OVOL2: variants seen among roughly 807,000 people sequenced by gnomAD.
OVOL2 encodes the protein transcription factor Ovo-like 2.
A neutral mutation model predicts 18.1 loss-of-function variants in OVOL2; 13 were observed. The ratio of observed to expected loss-of-function variants is 0.72; its 90% CI spans 0.47 to 1.14. OVOL2 has a LOEUF of 1.14. OVOL2 is among the 50% of genes most tolerant of loss of function. The probability of loss-of-function intolerance (pLI) is 0.00; values close to 1 mark genes in which losing one functional copy is unlikely to be tolerated. For synonymous variants in OVOL2, 166 were observed against 162.7 expected (o/e 1.02, Z -0.16); for missense variants, 335 against 383.0 (o/e 0.87, Z 1.05).
intron 3 of OVOL2, among the ~76,000 whole-genome samples, chr20:18,034,079 G>C (rs181686319): frequency 1.3e-5 from 2 of 152,266 alleles, no homozygotes; most frequent in Admixed American, 1.3e-4. Context: ...CAACTTCACT[G>C]AAGTACAGCA....
rs1274630717 is a variant in OVOL2 at position 18,056,579 on chromosome 20, C to G, written c.321+78G>C. 7.8e-7 allele frequency: 1 copy of G among 1,274,402 alleles called. No individual in the cohort carries two copies. Among genetic ancestry groups the G allele is most frequent in the African/African-American group, 1.6e-5 (1 of 63,680 alleles). 78.9% of individuals were successfully genotyped at this position (1,274,402 alleles called of 1,614,324 possible). A position where few individuals can be genotyped will look rare whatever the true frequency, so the allele number is the denominator to read the frequency against. ...TGCCGGGTTGCGCAGGCGGGCGCGG[C>G]AGGGAGGGGCGCCGGCCTCGGGAGC... On this transcript the variant is annotated intron_variant, in intron 2 of 3. Transcript: ENST00000278780. The surrounding 1 kb of genome is among the most constrained non-coding windows in gnomAD (Gnocchi z 4.2).
chr20:18,038,240 T>C (rs1268638689), intron 3 of OVOL2, among the ~76,000 whole-genome samples: 2 of 152,172 alleles, frequency 1.3e-5, no homozygotes, highest in South Asian at 2.1e-4. Flanking sequence ...CATCAGGTCC[T>C]CAGGAAGCCT....
intron 3 of OVOL2, among the ~76,000 whole-genome samples, chr20:18,041,142 G>A (rs555196355): frequency 6.6e-6 from 1 of 151,954 alleles, no homozygotes; most frequent in Non-Finnish European, 1.5e-5. Flanking sequence ...TGGCCCTAAC[G>A]CCCCATCATC....
At chr20:18,050,660 C>G (rs1487559438) in intron 2 of OVOL2, 1 of 150,972 alleles carries the variant, frequency 6.6e-6, no homozygotes, top group South Asian at 2.1e-4. Flanking sequence ...GAATCCATTC[C>G]AAGCATTTTT....
At chr20:18,039,615 AAAAAAAAG>A (rs1203002901) in intron 3 of OVOL2, among the ~76,000 whole-genome samples, 25 of 149,902 alleles carry the variant, frequency 1.7e-4, no homozygotes, top group Admixed American at 1.7e-3. Flanking sequence ...CTCAAAAAAA[AAAAAAAAG>A]AAAGAAAGAA....
intron 3 of OVOL2, among the ~76,000 whole-genome samples, chr20:18,039,607 C>CAAAAAAAAAAAAAAAAAAAAAAAAAAA (rs111619803): frequency 1.1e-5 from 1 of 87,056 alleles, no homozygotes; most frequent in African/African-American, 4.0e-5. Flanking sequence ...GACGCTGTCT[C>CAAAAAAAAAAAAAAAAAAAAAAAAAAA]AAAAAAAAAA....
At chr20:18,025,219 C>T (rs1200023634) in intron 3 of OVOL2, among the ~76,000 whole-genome samples, 1 of 152,134 alleles carries the variant, frequency 6.6e-6, no homozygotes, top group Non-Finnish European at 1.5e-5. Flanking sequence ...TTTATTCTTC[C>T]AACTCACATA....
intron 2 of OVOL2, among the ~76,000 whole-genome samples, chr20:18,042,775 C>CACAA (rs2036685353): frequency 1.1e-5 from 1 of 93,576 alleles, no homozygotes; most frequent in Non-Finnish European, 2.0e-5. Context: ...AACTCCGTCT[C>CACAA]AAAAAAAAAA....
At chr20:18,042,505 G>A (rs969802659) in intron 2 of OVOL2, among the ~76,000 whole-genome samples, 7 of 151,952 alleles carry the variant, frequency 4.6e-5, no homozygotes, top group Non-Finnish European at 2.9e-5. Context: ...GGCCAGGCGC[G>A]GCGTCTCATG....
At chr20:18,043,233 A>G (rs1343923003) in intron 2 of OVOL2, among the ~76,000 whole-genome samples, 2 of 152,208 alleles carry the variant, frequency 1.3e-5, no homozygotes, top group African/African-American at 4.8e-5. Flanking sequence ...GCCACACTCA[A>G]TTCTGTCCTC....
intron 3 of OVOL2, among the ~76,000 whole-genome samples, chr20:18,033,680 G>A (rs1245277483): frequency 1.4e-4 from 22 of 152,170 alleles, no homozygotes; most frequent in Non-Finnish European, 2.9e-5. Flanking sequence ...CTGCATGCTC[G>A]CTCCTGGGGA....
intron 2 of OVOL2, among the ~76,000 whole-genome samples, chr20:18,047,238 C>T (rs1309977482): frequency 2.6e-5 from 4 of 152,172 alleles, no homozygotes; most frequent in East Asian, 1.9e-4. Flanking sequence ...CATTGGCAGG[C>T]GTGGTGGCTC....
At chr20:18,054,778 A>AG (rs2036802668) in intron 2 of OVOL2, among the ~76,000 whole-genome samples, 1 of 140,306 alleles carries the variant, frequency 7.1e-6, no homozygotes, top group Non-Finnish European at 1.5e-5. Context: ...AAAAAAAAAA[A>AG]AAAAGAAAGA....
At chr20:18,055,912 AGACCATCATG>A (rs991733217) in intron 2 of OVOL2, among the ~76,000 whole-genome samples, 1 of 152,232 alleles carries the variant, frequency 6.6e-6, no homozygotes, top group African/African-American at 2.4e-5. Flanking sequence ...ACCTTTGAGC[AGACCATCATG>A]GAAGTTCTGC....
intron 3 of OVOL2, among the ~76,000 whole-genome samples, chr20:18,031,578 G>GA (rs940653375): frequency 4.0e-5 from 6 of 151,770 alleles, no homozygotes; most frequent in Admixed American, 2.0e-4. Flanking sequence ...CTCTATCTCA[G>GA]AAAAAAAACA....
rs561784331 is a variant in OVOL2, at chr20:18,052,341, TATTA to T, written c.321+4312_321+4315del. ...GATTAAGCAAACTGGAGGGGAAAAG[TATTA>T]ATTTATGAGACAATTAGTAATGTGA... is the stretch of plus-strand genomic sequence containing the variant. On this transcript the variant is annotated intron_variant, in intron 2 of 3. Coordinates refer to ENST00000278780, the MANE Select transcript of OVOL2 (RefSeq NM_021220.4). 3.1e-3 allele frequency among the ~76,000 whole-genome samples: 477 copies of T among 152,350 alleles called. 3 individuals are homozygous for T. Among genetic ancestry groups the T allele is most frequent in the African/African-American group, 1.0e-2 (415 of 41,582 alleles).
chr20:18,049,203 C>T (rs1191458129), intron 2 of OVOL2, among the ~76,000 whole-genome samples: 1 of 152,208 alleles, frequency 6.6e-6, no homozygotes, highest in African/African-American at 2.4e-5. Context: ...GAAAACAGGA[C>T]TCAGCGGCAG....
chr20:18,025,467 G>A (rs1430300607), intron 3 of OVOL2, among the ~76,000 whole-genome samples: 1 of 152,126 alleles, frequency 6.6e-6, no homozygotes, highest in Non-Finnish European at 1.5e-5. Flanking sequence ...AACTCGGGAG[G>A]CTGAGGAAGG....
At position 18,056,615 on chromosome 20, in the gene OVOL2, G is replaced by T; in HGVS notation, c.321+42C>A. On this transcript the variant is annotated intron_variant, in intron 2 of 3. Transcript: ENST00000278780. The surrounding 1 kb of genome is among the most constrained non-coding windows in gnomAD (Gnocchi z 4.2). ...GCCGGCCTCGGGAGCCCGACGCCAG[G>T]GCGTGGTGCAGGTGGCGGCGGGGGC... 7.5e-7 allele frequency: 1 copy of T among 1,340,818 alleles called. No individual in the cohort carries two copies. The highest frequency in any genetic ancestry group is 9.6e-7 in the Non-Finnish European group (1 of 1,043,038). The allele number at this position is 1,340,818 out of a possible 1,614,324, so 83.1% of individuals were successfully genotyped here.
Sources: allele counts gnomAD v4.1 joint callset (sites outside exome capture counted in the v4.1 genomes callset), GRCh38; gene constraint gnomAD v4.1.1; non-coding constraint Gnocchi (gnomAD v3.1); transcripts MANE v1.5; gene names NCBI Gene and HGNC (gene_info 2026-07-23, HGNC 2026-07-21).